LARS1: variants seen among roughly 807,000 people sequenced by gnomAD.
The protein encoded by LARS1 is leucine--tRNA ligase, cytoplasmic.
LARS1 carries 100 observed loss-of-function variants against 162.8 expected under a neutral mutation model. That is an observed-to-expected ratio of 0.61 (90% CI 0.52 to 0.73). The LOEUF is 0.73. Ranked by LOEUF, LARS1 falls within the 30% of genes least tolerant of loss-of-function variation. The probability of loss-of-function intolerance (pLI) is 0.00; values close to 1 mark genes in which losing one functional copy is unlikely to be tolerated. For missense variants in LARS1, 1,258 were observed against 1,408.9 expected, an observed-to-expected ratio of 0.89 and a Z score of 1.71; for synonymous variants, 457 against 462.8, an observed-to-expected ratio of 0.99 and a Z score of 0.16.
At chr5:146,138,447 C>T (rs1366231938) in intron 21 of LARS1, 1 of 151,436 alleles carries the variant, frequency 6.6e-6, no homozygotes, top group Non-Finnish European at 1.5e-5. Flanking sequence ...AAAGAAATGG[C>T]TGGGTGCAGT....
At chr5:146,128,865 C>T in intron 26 of LARS1, 83 bp from the exon 27 acceptor site, 1 of 1,411,312 alleles carries the variant, frequency 7.1e-7, no homozygotes, top group Non-Finnish European at 9.8e-7. Flanking sequence ...ACATACACCA[C>T]CACGGTCTTC....
intron 21 of LARS1, among the ~76,000 whole-genome samples, chr5:146,139,872 C>CAAAAAAAAAAAAAAAAA: frequency 1.2e-5 from 1 of 83,388 alleles, no homozygotes; most frequent in Non-Finnish European, 2.1e-5. Flanking sequence ...GACTCCGTCT[C>CAAAAAAAAAAAAAAAAA]AAAAAAAAAA....
At chr5:146,114,881 T>C (rs538345285) in intron 31 of LARS1, among the ~76,000 whole-genome samples, 1 of 149,960 alleles carries the variant, frequency 6.7e-6, no homozygotes, top group East Asian at 2.0e-4. Flanking sequence ...CCATCTCTAC[T>C]AAAATACAAA....
rs767396724 is a variant in LARS1, at chr5:146,164,402, C to T, written c.502G>A (p.Asp168Asn). The change falls in exon 6 of 32, where the codon GAT becomes AAT. Residue 168 changes from aspartate to asparagine, a missense_variant. By Grantham distance (23) the Asp-to-Asn change is conservative. Transcript: ENST00000394434. ...WGIMKSLGLS[D>N]EEIVKFSEAE... is the part of the protein sequence containing the mutation. ...TCAGAAAATTTTACTATCTCTTCAT[C>T]AGACAGGCCAAGGGATTTCATAATG... is the stretch of plus-strand genomic sequence containing the variant. 3 of 1,613,964 alleles carry T rather than the reference C, an allele frequency of 1.9e-6. No homozygotes were observed. In the South Asian group the frequency reaches 3.3e-5, roughly 18 times the overall value.
intron 2 of LARS1, 30 bp downstream of exon 2, chr5:146,177,517 A>G (rs1754649879): frequency 1.7e-6 from 1 of 571,616 alleles, no homozygotes; most frequent in Non-Finnish European, 3.0e-6. Flanking sequence ...TAGAAATACA[A>G]TGTGCAGAAC....
chr5:146,121,785 A>C (rs1751832971), intron 30 of LARS1, among the ~76,000 whole-genome samples: 1 of 152,102 alleles, frequency 6.6e-6, no homozygotes, highest in South Asian at 2.1e-4. Flanking sequence ...ATGAGAACAC[A>C]TGGACATAGG....
In LARS1 at chr5:146,153,855, T is replaced by A. The variant is rs34342344; in HGVS notation, c.1153+38A>T. The A allele has an allele frequency of 0.27, 440,801 of 1,607,128 alleles. 64,527 individuals carry two copies. The highest frequency in any genetic ancestry group is 0.42 in the Admixed American group (24,939 of 59,886). On this transcript the variant is annotated intron_variant, in intron 11 of 31. Transcript: ENST00000394434. ...AATTAATAACTAGAACCAAAATGTG[T>A]TTATCAAAATATTTCTAGAAATAAA...
In LARS1 at chr5:146,164,386, T is replaced by G; in HGVS notation, c.518A>C (p.Lys173Thr). ...AAGCCAATGTTCTGCTTCAGAAAATTTTACTATCTCTTCATCAGACAGGCC... is the reference window on the plus strand; with the variant it reads ...AAGCCAATGTTCTGCTTCAGAAAATGTTACTATCTCTTCATCAGACAGGCC... ...SLGLSDEEIV[K>T]FSEAEHWLDY... Residue 173 changes from lysine to threonine, a missense_variant, in exon 6 of 32, where the codon AAA becomes ACA. By Grantham distance (78) the Lys-to-Thr change is moderately conservative. Coordinates refer to ENST00000394434, the MANE Select transcript of LARS1 (RefSeq NM_020117.11). 1 of 1,614,058 alleles carries G rather than the reference T, an allele frequency of 6.2e-7. No homozygotes were observed. The highest frequency in any genetic ancestry group is 8.5e-7 in the Non-Finnish European group (1 of 1,179,956).
rs752995141 is a variant in LARS1, at chr5:146,129,137, C to CA, written c.2629-20dup. 168 of 1,409,336 alleles carry CA rather than the reference C, an allele frequency of 1.2e-4. No homozygotes were observed. The African/African-American group carries it at 1.7e-3, about 14-fold the overall frequency. 87.3% of individuals were successfully genotyped at this position (1,409,336 alleles called of 1,614,324 possible). A position where few individuals can be genotyped will look rare whatever the true frequency, so the allele number is the denominator to read the frequency against. On this transcript the variant is annotated intron_variant, in intron 25 of 31. Transcript: ENST00000394434. ...AGTCAGGCTTTTAAAAAAAGAAAAA[C>CA]AAAAAAACCTTCAGTGAGATTAGAC... is the stretch of plus-strand genomic sequence containing the variant.
rs1361493052 is a variant in LARS1 at position 146,182,500 on chromosome 5, G to A, written c.-7C>T. ...CGCTCAAACTCACCGCCATTGCACCGCCCAGCCGACTGTGCAAATCCACGA... is the reference window on the plus strand; with the variant it reads ...CGCTCAAACTCACCGCCATTGCACCACCCAGCCGACTGTGCAAATCCACGA... On this transcript the variant is annotated 5_prime_UTR_variant, in exon 1 of 32. Coordinates refer to ENST00000394434, the MANE Select transcript of LARS1 (RefSeq NM_020117.11). 4 of 1,613,800 alleles carry A rather than the reference G, an allele frequency of 2.5e-6. No individual in the cohort carries two copies. Among genetic ancestry groups the A allele is most frequent in the South Asian group, 2.2e-5 (2 of 91,058 alleles).
intron 15 of LARS1, among the ~76,000 whole-genome samples, chr5:146,146,298 C>T (rs1184068182): frequency 1.3e-5 from 2 of 149,256 alleles, no homozygotes. Context: ...TGAGATCGTG[C>T]CATTGCACTC....
chr5:146,165,615 CAG>C (rs1411750168), intron 5 of LARS1, among the ~76,000 whole-genome samples: 1 of 151,664 alleles, frequency 6.6e-6, no homozygotes, highest in Non-Finnish European at 1.5e-5. Context: ...CTGAGGAATG[CAG>C]ACTGTGACAA....
chr5:146,120,540 A>C, intron 30 of LARS1, 37 bp from the exon 31 acceptor site: 1 of 1,597,692 alleles, frequency 6.3e-7, no homozygotes, highest in Non-Finnish European at 8.5e-7. Flanking sequence ...TTTAACTTGA[A>C]TACTGCTGAG....
chr5:146,131,267 T>C (rs1231467108), intron 23 of LARS1, 158 bp from the exon 24 acceptor site: 2 of 486,292 alleles, frequency 4.1e-6, no homozygotes, highest in Non-Finnish European at 7.2e-6. Flanking sequence ...GCCCAGAACA[T>C]TTAAAACTGC....
intron 22 of LARS1, among the ~76,000 whole-genome samples, chr5:146,133,363 T>C (rs916989149): frequency 6.6e-6 from 1 of 152,212 alleles, no homozygotes; most frequent in African/African-American, 2.4e-5. Flanking sequence ...TGATCTTTAA[T>C]GAGGCAGAGA....
At chr5:146,119,342 CGA>C (rs997050229) in intron 31 of LARS1, among the ~76,000 whole-genome samples, 1 of 152,082 alleles carries the variant, frequency 6.6e-6, no homozygotes, top group Non-Finnish European at 1.5e-5. Flanking sequence ...GAAACAACTT[CGA>C]GAGAACACAA....
At chr5:146,139,585 TAATTTA>T (rs1752670272) in intron 21 of LARS1, 3 of 151,920 alleles carry the variant, frequency 2.0e-5, no homozygotes, top group African/African-American at 7.3e-5. Context: ...AGATAAAAAT[TAATTTA>T]TAGGCCAGGC....
chr5:146,174,521 CATATAT>C (rs60132964), intron 2 of LARS1, among the ~76,000 whole-genome samples: 1 of 19,586 alleles, frequency 5.1e-5, no homozygotes, highest in East Asian at 1.6e-3. Flanking sequence ...TATATATATC[CATATAT>C]ATATATATAT....
At position 146,153,168 on chromosome 5, in the gene LARS1, A is replaced by G. The variant is rs757436447; in HGVS notation, c.1284+6T>C. On this transcript the variant is annotated splice_donor_region_variant and intron_variant, in intron 13 of 31. Coordinates refer to ENST00000394434, the MANE Select transcript of LARS1 (RefSeq NM_020117.11). ...TGTGAATATTCTGAATTATCTATGTACTCACCGGCTCAAATGGCAAGACCA... is the reference window on the plus strand; with the variant it reads ...TGTGAATATTCTGAATTATCTATGTGCTCACCGGCTCAAATGGCAAGACCA... 8.1e-6 allele frequency: 13 copies of G among 1,605,954 alleles called. No homozygotes were observed. The highest frequency in any genetic ancestry group is 1.7e-5 in the Admixed American group (1 of 59,940).
Sources: allele counts gnomAD v4.1 joint callset (sites outside exome capture counted in the v4.1 genomes callset), GRCh38; gene constraint gnomAD v4.1.1; transcripts MANE v1.5; gene names NCBI Gene and HGNC (gene_info 2026-07-23, HGNC 2026-07-21).